The following PCM1 variants were observed in gnomAD, a reference collection of about 807,000 sequenced individuals.
The protein encoded by PCM1 is pericentriolar material 1 protein.
Under a neutral mutation model 241.9 loss-of-function variants are expected in PCM1, and 157 were observed. The observed-to-expected ratio is 0.65, with a 90% confidence interval of 0.57 to 0.74. PCM1 has a LOEUF of 0.74. Ranked by LOEUF, PCM1 falls within the 30% of genes least tolerant of loss-of-function variation. The pLI is 0.00. For synonymous variants in PCM1, 1,085 were observed against 784.9 expected (o/e 1.38, Z -6.39); for missense variants, 3,478 against 2,360.1 (o/e 1.47, Z -9.81).
intron 6 of PCM1, among the ~76,000 whole-genome samples, chr8:17,946,865 G>GTGTGTGTGTGTCCA: frequency 6.6e-6 from 1 of 151,352 alleles, no homozygotes; most frequent in East Asian, 1.9e-4. Context: ...GTGTGTGTGT[G>GTGTGTGTGTGTCCA]TGTGTGTCCA....
chr8:17,992,925 C>A (rs2085271889), intron 28 of PCM1, among the ~76,000 whole-genome samples: 1 of 131,250 alleles, frequency 7.6e-6, no homozygotes. Context: ...CCTTAGCCCA[C>A]TTTTTGATGG....
intron 3 of PCM1, 126 bp from the exon 4 acceptor site, chr8:17,937,008 G>C (rs903717060): frequency 1.5e-6 from 1 of 679,418 alleles, no homozygotes; most frequent in Non-Finnish European, 2.4e-6. Flanking sequence ...GTCTCTAGGA[G>C]TATAAGTCTG....
chr8:18,010,500 C>G, intron 31 of PCM1, 109 bp from the exon 32 acceptor site: 1 of 720,288 alleles, frequency 1.4e-6, no homozygotes, highest in Non-Finnish European at 2.3e-6. Flanking sequence ...GTAATACAGG[C>G]CAGGCTTAGG....
At chr8:17,945,125 A>C (rs535156675) in intron 6 of PCM1, among the ~76,000 whole-genome samples, 2 of 152,060 alleles carry the variant, frequency 1.3e-5, no homozygotes, top group African/African-American at 2.4e-5. Flanking sequence ...TGATGAAATC[A>C]TTATAAAATT....
chr8:17,954,834 C>T (rs981107591), intron 9 of PCM1, among the ~76,000 whole-genome samples: 1 of 152,096 alleles, frequency 6.6e-6, no homozygotes. Context: ...AGTTCAAGGA[C>T]CATAGAGGAT....
At position 17,923,050 on chromosome 8, in the gene PCM1, G is replaced by A. The variant is rs540407399; in HGVS notation, c.-229G>A. On this transcript the variant is annotated 5_prime_UTR_variant, in exon 1 of 39. Coordinates refer to ENST00000325083, the MANE Select transcript of PCM1 (RefSeq NM_006197.4). ...GGCGCTGCGTAGCTGAGGTCGAAAA[G>A]GCGGCCACTGGGGCCGAGGCAGCCA... 247 of 152,840 alleles carry A rather than the reference G, an allele frequency of 1.6e-3. No individual in the cohort carries two copies. Among genetic ancestry groups the A allele is most frequent in the African/African-American group, 5.5e-3 (230 of 41,578 alleles). 9.5% of individuals were successfully genotyped at this position (152,840 alleles called of 1,614,324 possible). A position where few individuals can be genotyped will look rare whatever the true frequency, so the allele number is the denominator to read the frequency against.
At chr8:17,943,961 C>G (rs1035912967) in intron 6 of PCM1, among the ~76,000 whole-genome samples, 1 of 152,130 alleles carries the variant, frequency 6.6e-6, no homozygotes, top group Non-Finnish European at 1.5e-5. Flanking sequence ...ACCAAGGGCA[C>G]ATTCCACTTT....
chr8:17,923,683 C>T (rs2055548298), intron 1 of PCM1, among the ~76,000 whole-genome samples: 1 of 152,096 alleles, frequency 6.6e-6, no homozygotes, highest in Admixed American at 6.5e-5. Context: ...CGACGCGACT[C>T]TGAAGAGTTG....
intron 15 of PCM1, 89 bp from the exon 16 acceptor site, chr8:17,961,945 C>T (rs2072432612): frequency 9.0e-7 from 1 of 1,113,650 alleles, no homozygotes; most frequent in Non-Finnish European, 1.3e-6. Flanking sequence ...GGCACTAGAG[C>T]CTTAGTGCCA....
rs1266501057 is a variant in PCM1 at position 17,956,640 on chromosome 8, A to G, written c.1509A>G (p.Leu503=). ...AAGTTCGAAAGAGATTGAATGAGCTAAGAGAATTAGTTCATTATTATGAAC... is the reference window on the plus strand; with the variant it reads ...AAGTTCGAAAGAGATTGAATGAGCTGAGAGAATTAGTTCATTATTATGAAC... ...LNEVRKRLNE[L]RELVHYYEQT... is the part of the protein sequence containing the mutation. The change falls in exon 11 of 39, where the codon CTA becomes CTG. Residue 503 remains leucine (L), a synonymous_variant. Transcript: ENST00000325083. The G allele has an allele frequency of 6.2e-7, 1 of 1,601,378 alleles. No homozygotes were observed. Among genetic ancestry groups the G allele is most frequent in the Admixed American group, 1.7e-5 (1 of 58,724 alleles).
At chr8:17,952,680 A>C (rs1040655196) in intron 8 of PCM1, among the ~76,000 whole-genome samples, 1 of 151,808 alleles carries the variant, frequency 6.6e-6, no homozygotes, top group African/African-American at 2.4e-5. Context: ...GATTATGTGC[A>C]GATACTACAC....
At chr8:17,991,506 T>C in intron 27 of PCM1, 36 bp from the exon 28 acceptor site, 1 of 1,540,090 alleles carries the variant, frequency 6.5e-7, no homozygotes, top group South Asian at 1.2e-5. Context: ...AAGTTCACTT[T>C]TACATACTCA....
At chr8:18,026,426 T>G (rs1400234625) in intron 38 of PCM1, among the ~76,000 whole-genome samples, 2 of 150,236 alleles carry the variant, frequency 1.3e-5, no homozygotes, top group African/African-American at 4.9e-5. Flanking sequence ...CCTGGCTGAT[T>G]TTTTTGTATT....
At chr8:17,975,162 C>G (rs1468181269) in intron 23 of PCM1, among the ~76,000 whole-genome samples, 4 of 152,126 alleles carry the variant, frequency 2.6e-5, no homozygotes, top group Admixed American at 2.6e-4. Context: ...AACTAGAACA[C>G]TGGTTTATGT....
chr8:17,986,081 T>C lies in PCM1; in HGVS notation c.4404T>C (p.Thr1468=). Residue 1468 remains threonine (T), a synonymous_variant, in exon 26 of 39, where the codon ACT becomes ACC. Transcript: ENST00000325083. ...CTCCTAGTGAGAGCCTTGCTACTAC[T>C]GATGATGTAAGCTGATAATGATTAG... ...ELTPSESLAT[T]DDETFEKNFE... is the part of the protein sequence containing the mutation. The C allele has an allele frequency of 6.4e-7, 1 of 1,573,740 alleles. No individual in the cohort carries two copies. Among genetic ancestry groups the C allele is most frequent in the Non-Finnish European group, 8.6e-7 (1 of 1,160,970 alleles).
chr8:17,972,904 T>A (rs779211909), intron 23 of PCM1, among the ~76,000 whole-genome samples: 3 of 152,192 alleles, frequency 2.0e-5, no homozygotes, highest in Non-Finnish European at 4.4e-5. Flanking sequence ...TTGTAAAACA[T>A]GGCATTTATT....
intron 2 of PCM1, chr8:17,926,517 G>C (rs1352582811): frequency 6.6e-6 from 1 of 152,206 alleles, no homozygotes; most frequent in Non-Finnish European, 1.5e-5. Flanking sequence ...TATGTAGAGT[G>C]TAGTATATCT....
At chr8:17,932,535 C>A (rs951244172) in intron 2 of PCM1, among the ~76,000 whole-genome samples, 1 of 151,422 alleles carries the variant, frequency 6.6e-6, no homozygotes. Context: ...TTTTTGCAAA[C>A]TACTTGTTTT....
At chr8:18,021,809 C>T (rs1024304417) in intron 36 of PCM1, among the ~76,000 whole-genome samples, 1 of 152,232 alleles carries the variant, frequency 6.6e-6, no homozygotes, top group African/African-American at 2.4e-5. Flanking sequence ...CAAATTTGAC[C>T]CCTTATGAAA....
Sources: gnomAD v4.1 joint callset for allele counts (sites outside exome capture counted in the v4.1 genomes callset) on GRCh38, gnomAD v4.1.1 for gene constraint, MANE v1.5 for transcripts, NCBI Gene and HGNC (gene_info 2026-07-23, HGNC 2026-07-21) for gene names.